RBFOX1: variants seen among roughly 807,000 people sequenced by gnomAD.
RBFOX1 encodes RNA binding protein fox-1 homolog 1.
In RBFOX1, 8 loss-of-function variants were observed where a neutral mutation model predicts 57.7. The ratio of observed to expected loss-of-function variants is 0.14; its 90% CI spans 0.08 to 0.25. The LOEUF (loss-of-function observed/expected upper bound fraction) is 0.25. Among genes scored for constraint, RBFOX1 ranks in the 10% least tolerant of loss-of-function variants. RBFOX1 has a pLI of 1.00. For missense variants in RBFOX1, 611 were observed against 548.5 expected (o/e 1.11, Z -1.14); for synonymous variants, 326 against 222.4 (o/e 1.47, Z -4.15).
At chr16:6,822,441 G>A (rs1368885783) in intron 3 of RBFOX1, among the ~76,000 whole-genome samples, 1 of 152,200 alleles carries the variant, frequency 6.6e-6, no homozygotes, top group Non-Finnish European at 1.5e-5. Flanking sequence ...TTGCTAACTT[G>A]TAACTTGGAG....
At chr16:6,223,159 A>G (rs956298601) in intron 1 of RBFOX1, among the ~76,000 whole-genome samples, 8 of 150,702 alleles carry the variant, frequency 5.3e-5, no homozygotes, top group African/African-American at 1.7e-4. Flanking sequence ...CACAATAAAC[A>G]TACGTGTGCA....
chr16:5,917,929 T>C (rs1432830620), intron 4 of RBFOX1, among the ~76,000 whole-genome samples: 1 of 152,094 alleles, frequency 6.6e-6, no homozygotes, highest in Non-Finnish European at 1.5e-5. Context: ...TCCTAGAATA[T>C]GATCCTCTCT....
At chr16:6,475,906 A>G (rs1178094062) in intron 2 of RBFOX1, among the ~76,000 whole-genome samples, 4 of 152,194 alleles carry the variant, frequency 2.6e-5, no homozygotes, top group African/African-American at 4.8e-5. Context: ...ATTGATTTTT[A>G]TAAAAATCTT....
Position 6,472,628 on chromosome 16 carries a change from T to C in RBFOX1, c.-64+155571T>C, listed in dbSNP as rs146258361. Among the ~76,000 whole-genome samples the C allele has an allele frequency of 5.3e-5, 8 of 151,930 alleles. No homozygotes were observed. In the East Asian group the frequency reaches 1.5e-3, roughly 29 times the overall value. On this transcript the variant is annotated intron_variant, in intron 2 of 15. Transcript: ENST00000550418. ...CCCAGCTTCTTTCTTTTTTCTTTCT[T>C]TCTTTTTTTTTTTTCAATGGAATCT...
intron 4 of RBFOX1, among the ~76,000 whole-genome samples, chr16:7,412,907 T>C (rs115126209): frequency 0.012 from 1,879 of 152,020 alleles, 44 homozygotes; most frequent in African/African-American, 0.043. Context: ...CCAGGCGCCA[T>C]GGTGGGCGCC....
intron 4 of RBFOX1, among the ~76,000 whole-genome samples, chr16:7,327,796 C>T (rs547279361): frequency 7.1e-6 from 1 of 141,774 alleles, no homozygotes; most frequent in African/African-American, 2.9e-5. Context: ...TGAGATGCCC[C>T]CATTAAACAA....
At chr16:7,069,583 T>C (rs950952959) in intron 4 of RBFOX1, among the ~76,000 whole-genome samples, 4 of 152,198 alleles carry the variant, frequency 2.6e-5, no homozygotes, top group Admixed American at 2.6e-4. Context: ...ATGGGACACA[T>C]TCCTTTCACG....
chr16:5,360,732 G>C (rs187763898), intron 1 of RBFOX1, among the ~76,000 whole-genome samples: 23 of 152,312 alleles, frequency 1.5e-4, no homozygotes, highest in Admixed American at 1.2e-3. Context: ...TAGAGATCTC[G>C]ACAGCTGCAG....
chr16:6,828,381 G>A (rs765047093), intron 3 of RBFOX1, among the ~76,000 whole-genome samples: 35 of 151,950 alleles, frequency 2.3e-4, no homozygotes, highest in Admixed American at 1.2e-3. Flanking sequence ...AAAATTAACT[G>A]GGCATGGTGA....
chr16:5,251,808 T>TTTGTGA (rs2062460100), intron 1 of RBFOX1, among the ~76,000 whole-genome samples: 1 of 152,006 alleles, frequency 6.6e-6, no homozygotes, highest in Non-Finnish European at 1.5e-5. Flanking sequence ...TATGTTTAGA[T>TTTGTGA]TTGTGATTTT....
rs1457866843 is a variant in RBFOX1, at chr16:5,992,727, A to C, written c.351+125392A>C. Among the ~76,000 whole-genome samples the C allele has an allele frequency of 3.3e-5, 5 of 152,332 alleles. No individual in the cohort carries two copies. The East Asian group carries it at 7.7e-4, about 24-fold the overall frequency. On this transcript the variant is annotated intron_variant, in intron 4 of 19. Transcript: ENST00000641259. ...GGTGGGTGGATCACCTGAGGTCAGT[A>C]GTTCAAGACCGGCCTGGCCAACATG... is the stretch of plus-strand genomic sequence containing the variant.
At chr16:6,921,671 C>G (rs1002956044) in intron 3 of RBFOX1, among the ~76,000 whole-genome samples, 1 of 147,860 alleles carries the variant, frequency 6.8e-6, no homozygotes, top group Non-Finnish European at 1.5e-5. Context: ...GGGTTGCTTT[C>G]AATCAATAGA....
intron 3 of RBFOX1, among the ~76,000 whole-genome samples, chr16:6,853,587 C>T (rs968684673): frequency 2.0e-5 from 3 of 152,062 alleles, no homozygotes; most frequent in Non-Finnish European, 4.4e-5. Flanking sequence ...AAACGGATTC[C>T]TACCTCCTTG....
chr16:5,658,809 GTATA>G (rs1396722023), intron 3 of RBFOX1, among the ~76,000 whole-genome samples: 1 of 139,444 alleles, frequency 7.2e-6, no homozygotes, highest in Non-Finnish European at 1.5e-5. Flanking sequence ...GTGTATATAT[GTATA>G]TATAATATAT....
intron 4 of RBFOX1, among the ~76,000 whole-genome samples, chr16:7,148,459 G>A (rs923484758): frequency 1.3e-5 from 2 of 152,102 alleles, no homozygotes; most frequent in South Asian, 2.1e-4. Flanking sequence ...CTCTTTTGCT[G>A]TTTACATCTC....
intron 11 of RBFOX1, among the ~76,000 whole-genome samples, chr16:7,636,395 C>T (rs377750908): frequency 6.6e-6 from 1 of 152,212 alleles, no homozygotes; most frequent in East Asian, 1.9e-4. Flanking sequence ...TTCCAGTATA[C>T]ATCTTCCTGT....
intron 5 of RBFOX1, among the ~76,000 whole-genome samples, chr16:7,554,744 T>G (rs2087774404): frequency 6.6e-6 from 1 of 151,792 alleles, no homozygotes; most frequent in Admixed American, 6.6e-5. Context: ...CTGTGCACTC[T>G]TTTTTTCTTC....
chr16:5,385,639 A>C (rs774133123), intron 1 of RBFOX1, among the ~76,000 whole-genome samples: 1 of 152,166 alleles, frequency 6.6e-6, no homozygotes, highest in Non-Finnish European at 1.5e-5. Flanking sequence ...AATTTGCCGG[A>C]AGGTTCTTCA....
chr16:5,860,248 A>T (rs1360373095), intron 3 of RBFOX1, among the ~76,000 whole-genome samples: 1 of 151,926 alleles, frequency 6.6e-6, no homozygotes, highest in East Asian at 1.9e-4. Context: ...ATGCCAAGCT[A>T]ATTTTTGTAT....
Sources: allele counts gnomAD v4.1 joint callset (sites outside exome capture counted in the v4.1 genomes callset), GRCh38; gene constraint gnomAD v4.1.1; transcripts MANE v1.5; gene names NCBI Gene and HGNC (gene_info 2026-07-23, HGNC 2026-07-21).